Variants in GSDME observed in about 807,000 individuals in gnomAD.
GSDME encodes gasdermin E.
A neutral mutation model predicts 47.5 loss-of-function variants in GSDME; 44 were observed. The observed-to-expected ratio is 0.93, with a 90% CI of 0.73 to 1.19. The LOEUF is 1.19. Among genes scored for constraint, GSDME ranks in the 50% most tolerant of loss-of-function variants. GSDME has a pLI of 0.00. For missense variants in GSDME, 663 were observed against 604.2 expected (o/e 1.10, Z -1.02); for synonymous variants, 258 against 252.8 (o/e 1.02, Z -0.20).
chr7:24,703,949 T>G (rs1050532108), intron 8 of GSDME: 1 of 152,240 alleles, frequency 6.6e-6, no homozygotes, highest in South Asian at 2.1e-4. Context: ...GCCTTCACTT[T>G]CCAGGGTGGC....
rs1043548816 is a variant in GSDME, at chr7:24,714,059, A to G, written c.697+3195T>C. Among the ~76,000 whole-genome samples, 8 of 152,270 alleles carry G rather than the reference A, an allele frequency of 5.3e-5. No homozygotes were observed. The highest frequency in any genetic ancestry group is 1.9e-4 in the African/African-American group (8 of 41,480). ...GGAAACAGGTTCACGCCCACAAGGC[A>G]TCCAACTGGAAGTTGGTGCTGAAGG... is the stretch of plus-strand genomic sequence containing the variant. On this transcript the variant is annotated intron_variant, in intron 5 of 9. Transcript: ENST00000645220. The surrounding 1 kb of genome is among the most constrained non-coding windows in gnomAD (Gnocchi z 5.0).
chr7:24,715,375 C>A (rs1789512061), intron 5 of GSDME: 1 of 449,778 alleles, frequency 2.2e-6, no homozygotes. Flanking sequence ...GGTAACCATG[C>A]TGGGTGATGG....
At position 24,705,996 on chromosome 7, in the gene GSDME, A is replaced by C. The variant is rs535226367; in HGVS notation, c.1183+188T>G. On this transcript the variant is annotated intron_variant, in intron 8 of 9. Coordinates refer to ENST00000645220, the MANE Select transcript of GSDME (RefSeq NM_001127453.2). The surrounding 1 kb of genome is among the most constrained non-coding windows in gnomAD (Gnocchi z 4.1). ...GGAGGCTTGTGCTGGATGGAAAGGC[A>C]CAGACTCGAGACCGAAGGGGGGTTT... 4,176 of 720,024 alleles carry C rather than the reference A, an allele frequency of 5.8e-3. 122 individuals carry two copies. In the African/African-American group the frequency reaches 0.064, roughly 11 times the overall value. The allele number at this position is 720,024 out of a possible 1,614,324, so 44.6% of individuals were successfully genotyped here.
At position 24,699,250 on chromosome 7, in the gene GSDME, G is replaced by C; in HGVS notation, c.1267C>G (p.Leu423Val). The C allele has an allele frequency of 6.2e-7, 1 of 1,610,814 alleles. No individual in the cohort carries two copies. The highest frequency in any genetic ancestry group is 8.5e-7 in the Non-Finnish European group (1 of 1,176,964). Residue 423 changes from leucine (L) to valine (V), a missense_variant, in exon 10 of 10, where the codon CTG (leucine) becomes GTG (valine). Leu to Val is a conservative substitution (Grantham distance 32). Coordinates refer to ENST00000645220, the MANE Select transcript of GSDME (RefSeq NM_001127453.2). The stretch of plus-strand genomic sequence containing the variant: ...AGATCAGATACTCCATCATCAGACA[G>C]AGCACGAAGCTGAAATGACACATTT... The part of the protein sequence containing the change: ...IPTLCHLLRA[L>V]SDDGVSDLED...
intron 3 of GSDME, among the ~76,000 whole-genome samples, chr7:24,734,305 T>G (rs1328686290): frequency 6.6e-6 from 1 of 152,228 alleles, no homozygotes; most frequent in Admixed American, 6.5e-5. Flanking sequence ...ACCTGGAAAG[T>G]CTTCCTAAGA....
chr7:24,779,794 T>C, the GSDME span, among the ~76,000 whole-genome samples: 3 of 152,280 alleles, frequency 2.0e-5, no homozygotes, highest in South Asian at 6.2e-4. This position sits in a 1 kb window ranked among gnomAD's most constrained non-coding sequence, Gnocchi z 6.0. Context: ...TCAGGATGAC[T>C]GCAGAAACAG....
chr7:24,727,371 C>G (rs1790002339), intron 3 of GSDME, among the ~76,000 whole-genome samples: 1 of 152,176 alleles, frequency 6.6e-6, no homozygotes, highest in Non-Finnish European at 1.5e-5. Context: ...TGCAGTACTG[C>G]CAGAGCTGGT....
At chr7:24,759,584 T>C (rs149699318), upstream of GSDME, among the ~76,000 whole-genome samples, 6 of 152,328 alleles carry the variant, frequency 3.9e-5, no homozygotes, top group African/African-American at 7.2e-5. Context: ...AATGAGGGAA[T>C]TGAGGCACAA....
rs17149964 is a variant in GSDME, at chr7:24,712,529, T to C, written c.698-2141A>G. 0.022 allele frequency among the ~76,000 whole-genome samples: 3,296 copies of C among 152,220 alleles called. 135 individuals carry two copies. The highest frequency in any genetic ancestry group is 0.075 in the African/African-American group (3,120 of 41,492). ...ATGCAACAATGTAAATCTTTAAAAT[T>C]CCCTATACCAGGCCCCGTGCTCACA... On this transcript the variant is annotated intron_variant, in intron 5 of 9. Transcript: ENST00000645220. The surrounding 1 kb of genome is among the most constrained non-coding windows in gnomAD (Gnocchi z 4.4).
chr7:24,713,804 A>G (rs1445487490), intron 5 of GSDME, among the ~76,000 whole-genome samples: 1 of 152,256 alleles, frequency 6.6e-6, no homozygotes, highest in Non-Finnish European at 1.5e-5. Context: ...GAATCAGAGT[A>G]GCCAGTTACG....
Position 24,707,607 on chromosome 7 carries a change from C to G in GSDME, c.990+520G>C, listed in dbSNP as rs137968598. On this transcript the variant is annotated intron_variant, in intron 7 of 9. Coordinates refer to ENST00000645220, the MANE Select transcript of GSDME (RefSeq NM_001127453.2). ...GCAGATGTAATTAAAGTAAGGAAAT[C>G]AAAATGAGATCATCCTAGATTGGGG... 8.5e-6 allele frequency: 3 copies of G among 353,428 alleles called. No homozygotes were observed. In the East Asian group the frequency reaches 2.2e-4, roughly 26 times the overall value. The allele number at this position is 353,428 out of a possible 1,614,324, so 21.9% of individuals were successfully genotyped here.
chr7:24,698,872 T>G lies in GSDME; in HGVS notation c.*154A>C. 1.4e-6 allele frequency: 1 copy of G among 697,760 alleles called. No homozygotes were observed. 43.2% of individuals were successfully genotyped at this position (697,760 alleles called of 1,614,324 possible). A position where few individuals can be genotyped will look rare whatever the true frequency, so the allele number is the denominator to read the frequency against. On this transcript the variant is annotated 3_prime_UTR_variant, in exon 10 of 10. Coordinates refer to ENST00000645220, the MANE Select transcript of GSDME (RefSeq NM_001127453.2). ...AACTGTTTAAAGAGTACCTGGTGGC[T>G]AAAAGTCAGGTCATTCATCATGCAA...
At chr7:24,790,669 C>T in the GSDME span, among the ~76,000 whole-genome samples, 30 of 152,126 alleles carry the variant, frequency 2.0e-4, no homozygotes, top group African/African-American at 6.5e-4. The surrounding 1 kb of genome is among the most constrained non-coding windows in gnomAD (Gnocchi z 4.1). Flanking sequence ...TGGTTTAGAC[C>T]CCACCAGGTG....
Position 24,724,527 on chromosome 7 carries a change from C to T in GSDME, c.405-5309G>A, listed in dbSNP as rs763843408. On this transcript the variant is annotated intron_variant, in intron 3 of 9. Coordinates refer to ENST00000645220, the MANE Select transcript of GSDME (RefSeq NM_001127453.2). The surrounding 1 kb of genome is among the most constrained non-coding windows in gnomAD (Gnocchi z 4.8). The stretch of plus-strand genomic sequence containing the variant: ...GAACAGGAGGCCACTGAGGCAGAGG[C>T]GTATATCCTCAACAGAAAGGGCCAG... Among the ~76,000 whole-genome samples, 2 of 152,290 alleles carry T rather than the reference C, an allele frequency of 1.3e-5. No individual in the cohort carries two copies. Among genetic ancestry groups the T allele is most frequent in the South Asian group, 2.1e-4 (1 of 4,824 alleles).
rs547884214 is a variant in GSDME at position 24,755,852 on chromosome 7, T to C, written c.-20+1544A>G. Among the ~76,000 whole-genome samples, 13 of 152,338 alleles carry C rather than the reference T, an allele frequency of 8.5e-5. No individual in the cohort carries two copies. In the South Asian group the frequency reaches 2.7e-3, roughly 32 times the overall value. On this transcript the variant is annotated intron_variant, in intron 1 of 9. Transcript: ENST00000645220. ...AAACAGAAATCATTGCTATGGAACA[T>C]GTGTCATTTCCTTTCTATCTGGGGA...
At chr7:24,795,023 C>A in the GSDME span, among the ~76,000 whole-genome samples, 1 of 152,126 alleles carries the variant, frequency 6.6e-6, no homozygotes, top group Middle Eastern at 3.4e-3. Flanking sequence ...CCAATAAAGG[C>A]ATGCCGTGGG....
intron 3 of GSDME, among the ~76,000 whole-genome samples, chr7:24,727,020 A>G (rs1025538787): frequency 1.3e-5 from 2 of 152,212 alleles, no homozygotes; most frequent in African/African-American, 2.4e-5. Context: ...CACCTTGATT[A>G]ATCCATCAGC....
rs1207625630 is a variant in GSDME at position 24,705,864 on chromosome 7, C to T, written c.1183+320G>A. 3.2e-5 allele frequency: 14 copies of T among 432,390 alleles called. No homozygotes were observed. The highest frequency in any genetic ancestry group is 1.4e-4 in the Admixed American group (4 of 28,500). The allele number at this position is 432,390 out of a possible 1,614,324, so 26.8% of individuals were successfully genotyped here. A position where few individuals can be genotyped will look rare whatever the true frequency, so the allele number is the denominator to read the frequency against. ...CTGCCACTCAGCTCTGCTGGGACTC[C>T]GGAGTGAACCACAGCCTGTCAGGGA... On this transcript the variant is annotated intron_variant, in intron 8 of 9. Transcript: ENST00000645220. The surrounding 1 kb of genome is among the most constrained non-coding windows in gnomAD (Gnocchi z 4.1).
At position 24,708,831 on chromosome 7, in the gene GSDME, G is replaced by A. The variant is rs2240006; in HGVS notation, c.863-577C>T. Among the ~76,000 whole-genome samples the A allele has an allele frequency of 0.012, 1,871 of 152,284 alleles. 107 individuals are homozygous for A. The East Asian group carries it at 0.19, about 15-fold the overall frequency. On this transcript the variant is annotated intron_variant, in intron 6 of 9. Coordinates refer to ENST00000645220, the MANE Select transcript of GSDME (RefSeq NM_001127453.2). ...TCCTCAAGCTGAGCACTGAGTCCCC[G>A]AAGCTATTGCCTCTGCAGGATGCTT...
Sources: allele counts gnomAD v4.1 joint callset (sites outside exome capture counted in the v4.1 genomes callset), GRCh38; gene constraint gnomAD v4.1.1; non-coding constraint Gnocchi (gnomAD v3.1); transcripts MANE v1.5; gene names NCBI Gene and HGNC (gene_info 2026-07-23, HGNC 2026-07-21).